The following COLGALT2 variants were observed in gnomAD, a reference collection of about 807,000 sequenced individuals.
COLGALT2 encodes the protein collagen beta(1-O)galactosyltransferase 2, also known as procollagen galactosyltransferase 2.
In COLGALT2, 49 loss-of-function variants were observed where a neutral mutation model predicts 73.4. That is an observed-to-expected ratio of 0.67 (90% CI 0.53 to 0.85). The LOEUF is 0.85. Among genes scored for constraint, COLGALT2 ranks in the 40% least tolerant of loss-of-function variants. The probability of loss-of-function intolerance (pLI) is 0.00; values close to 1 mark genes in which losing one functional copy is unlikely to be tolerated. For missense variants in COLGALT2, 722 were observed against 790.2 expected (o/e 0.91, Z 1.03); for synonymous variants, 295 against 307.6 (o/e 0.96, Z 0.43).
chr1:183,977,539 A>G (rs1012703297), intron 2 of COLGALT2, among the ~76,000 whole-genome samples: 1 of 151,986 alleles, frequency 6.6e-6, no homozygotes, highest in African/African-American at 2.4e-5. Context: ...TAATCCCAGC[A>G]CTTTGGAAGG....
intron 1 of COLGALT2, among the ~76,000 whole-genome samples, chr1:183,990,169 A>G (rs530949782): frequency 1.3e-5 from 2 of 152,342 alleles, no homozygotes; most frequent in Admixed American, 6.5e-5. Context: ...TGAGTCTATG[A>G]CTGTCCGGCT....
intron 1 of COLGALT2, among the ~76,000 whole-genome samples, chr1:184,014,892 GA>G (rs1484060116): frequency 6.6e-6 from 1 of 152,210 alleles, no homozygotes; most frequent in Non-Finnish European, 1.5e-5. Flanking sequence ...CCATGGAAAT[GA>G]TGAAGTAAGT....
intron 1 of COLGALT2, among the ~76,000 whole-genome samples, chr1:184,035,555 T>C (rs1217838987): frequency 6.6e-6 from 1 of 152,194 alleles, no homozygotes; most frequent in Non-Finnish European, 1.5e-5. Context: ...CTCTTAAAAG[T>C]TTACTGTATG....
At chr1:183,977,812 AAGAG>A (rs59481089) in intron 2 of COLGALT2, among the ~76,000 whole-genome samples, 923 of 52,432 alleles carry the variant, frequency 0.018, 9 homozygotes, top group African/African-American at 0.032. Flanking sequence ...GAAAGAGAGA[AAGAG>A]AGAGAGAGAG....
At chr1:184,002,988 A>G (rs2102840385) in intron 1 of COLGALT2, among the ~76,000 whole-genome samples, 1 of 152,338 alleles carries the variant, frequency 6.6e-6, no homozygotes, top group Non-Finnish European at 1.5e-5. Flanking sequence ...ATATCAAAAT[A>G]CTGTGCTATC....
At chr1:183,932,721 C>T (rs1477780262), downstream of COLGALT2, among the ~76,000 whole-genome samples, 1 of 152,172 alleles carries the variant, frequency 6.6e-6, no homozygotes, top group Non-Finnish European at 1.5e-5. Flanking sequence ...GCAGTGGGCA[C>T]TCTCGCTGGA....
intron 1 of COLGALT2, 139 bp from the exon 2 acceptor site, chr1:183,978,659 A>G (rs938436317): frequency 2.9e-5 from 16 of 555,352 alleles, no homozygotes; most frequent in African/African-American, 2.7e-4. Flanking sequence ...ATTCCCTCAT[A>G]GTCCAAACTA....
chr1:183,973,137 G>A (rs7521638), intron 4 of COLGALT2, among the ~76,000 whole-genome samples: 56,813 of 152,054 alleles, frequency 0.37, 11,356 homozygotes, highest in East Asian at 0.59. Flanking sequence ...TTTTCAAACC[G>A]AGATAAAGGT....
intron 1 of COLGALT2, 113 bp downstream of exon 1, chr1:184,036,982 C>T: frequency 1.1e-6 from 1 of 941,490 alleles, no homozygotes; most frequent in Non-Finnish European, 1.4e-6. Flanking sequence ...CCGCGTGCCC[C>T]CCCGCCCCTC....
chr1:183,946,980 A>G (rs1442490953), intron 8 of COLGALT2, among the ~76,000 whole-genome samples: 1 of 152,174 alleles, frequency 6.6e-6, no homozygotes, highest in Non-Finnish European at 1.5e-5. Flanking sequence ...GCAGTGAGCC[A>G]AGATCGTGCC....
At chr1:183,987,208 A>G (rs1671511814) in intron 1 of COLGALT2, among the ~76,000 whole-genome samples, 1 of 152,164 alleles carries the variant, frequency 6.6e-6, no homozygotes. Context: ...TCATTTGTCT[A>G]TCTACCCTCT....
chr1:183,944,143 G>A, intron 10 of COLGALT2, 53 bp downstream of exon 10: 1 of 1,554,506 alleles, frequency 6.4e-7, no homozygotes, highest in Non-Finnish European at 8.7e-7. Flanking sequence ...CTGCGCATTG[G>A]AAAGGACTGA....
In COLGALT2 at chr1:183,935,998, C is replaced by G. The variant is rs1001529776; in HGVS notation, c.*2763G>C. On this transcript the variant is annotated 3_prime_UTR_variant, in exon 12 of 12. Coordinates refer to ENST00000361927, the MANE Select transcript of COLGALT2 (RefSeq NM_015101.4). ...GCAGCAGGCCTGAATGAACCGCAAGCGGGGCCCATGCAGCGTGTCCTCTGC... is the reference window on the plus strand; with the variant it reads ...GCAGCAGGCCTGAATGAACCGCAAGGGGGGCCCATGCAGCGTGTCCTCTGC... 41 of 985,266 alleles carry G rather than the reference C, an allele frequency of 4.2e-5. No homozygotes were observed. The highest frequency in any genetic ancestry group is 4.8e-5 in the Non-Finnish European group (40 of 829,956). 61.0% of individuals were successfully genotyped at this position (985,266 alleles called of 1,614,324 possible). A position where few individuals can be genotyped will look rare whatever the true frequency, so the allele number is the denominator to read the frequency against.
chr1:183,937,431 A>C lies in COLGALT2; in HGVS notation c.*1330T>G. 1.0e-6 allele frequency: 1 copy of C among 987,050 alleles called. No homozygotes were observed. Among genetic ancestry groups the C allele is most frequent in the Non-Finnish European group, 1.2e-6 (1 of 831,054 alleles). The allele number at this position is 987,050 out of a possible 1,614,324, so 61.1% of individuals were successfully genotyped here. ...GCATTTTACATAAAATCAATCTGTG[A>C]AGAAAGCAGAAAGGACTCTTAGGGG... On this transcript the variant is annotated 3_prime_UTR_variant, in exon 12 of 12. Coordinates refer to ENST00000361927, the MANE Select transcript of COLGALT2 (RefSeq NM_015101.4).
intron 1 of COLGALT2, among the ~76,000 whole-genome samples, chr1:184,024,788 T>C (rs193295592): frequency 8.7e-4 from 133 of 152,124 alleles, no homozygotes; most frequent in Non-Finnish European, 3.1e-4. Context: ...TGACCTGTTA[T>C]CAAAACTGGC....
At chr1:183,958,755 C>T (rs769665734) in intron 6 of COLGALT2, among the ~76,000 whole-genome samples, 2 of 149,532 alleles carry the variant, frequency 1.3e-5, no homozygotes, top group Non-Finnish European at 3.0e-5. Flanking sequence ...GGACAAAAAC[C>T]CTCTTGTTTT....
intron 1 of COLGALT2, among the ~76,000 whole-genome samples, chr1:184,032,660 T>C (rs977841701): frequency 6.6e-6 from 1 of 152,254 alleles, no homozygotes; most frequent in Non-Finnish European, 1.5e-5. Flanking sequence ...AGGCATCATC[T>C]GCTTTTTCAG....
At chr1:184,025,944 A>T (rs1382888583) in intron 1 of COLGALT2, among the ~76,000 whole-genome samples, 1 of 152,196 alleles carries the variant, frequency 6.6e-6, no homozygotes, top group Non-Finnish European at 1.5e-5. Flanking sequence ...TCATCTAGAG[A>T]TTTTTAAGCA....
downstream of COLGALT2, among the ~76,000 whole-genome samples, chr1:183,931,590 G>A (rs993924511): frequency 2.0e-5 from 3 of 152,098 alleles, no homozygotes; most frequent in Non-Finnish European, 4.4e-5. Flanking sequence ...ATGGGACTGG[G>A]GCTTGAGTGG....
Sources: allele counts gnomAD v4.1 joint callset (sites outside exome capture counted in the v4.1 genomes callset), GRCh38; gene constraint gnomAD v4.1.1; transcripts MANE v1.5; gene names NCBI Gene and HGNC (gene_info 2026-07-23, HGNC 2026-07-21).